NR3C2: variants seen among roughly 807,000 people sequenced by gnomAD.
NR3C2 encodes mineralocorticoid receptor.
NR3C2 carries 15 observed loss-of-function variants against 86.4 expected under a neutral mutation model. That is an observed-to-expected ratio of 0.17 (90% confidence interval 0.12 to 0.27). NR3C2 has a LOEUF of 0.27. Among genes scored for constraint, NR3C2 ranks in the 10% least tolerant of loss-of-function variants. The pLI, the probability that NR3C2 is intolerant of heterozygous loss-of-function variation, is 1.00. For missense variants in NR3C2, 960 were observed against 1,195.6 expected (o/e 0.80, Z 2.91); for synonymous variants, 458 against 450.5 (o/e 1.02, Z -0.21).
chr4:148,293,664 TA>T, intron 2 of NR3C2, among the ~76,000 whole-genome samples: 1 of 152,212 alleles, frequency 6.6e-6, no homozygotes, highest in East Asian at 1.9e-4. Flanking sequence ...ATAAATCATT[TA>T]GGGTCTGGCC....
At chr4:148,376,966 G>T (rs1746710686) in intron 2 of NR3C2, among the ~76,000 whole-genome samples, 1 of 152,072 alleles carries the variant, frequency 6.6e-6, no homozygotes, top group African/African-American at 2.4e-5. Flanking sequence ...TTAAAATTAA[G>T]TATACTAATA....
intron 3 of NR3C2, among the ~76,000 whole-genome samples, chr4:148,254,787 T>C (rs1007068229): frequency 3.3e-5 from 5 of 152,198 alleles, no homozygotes; most frequent in African/African-American, 1.2e-4. Flanking sequence ...GTTTCCTATA[T>C]CTGACACAGC....
intron 2 of NR3C2, among the ~76,000 whole-genome samples, chr4:148,361,451 G>A (rs923357262): frequency 6.6e-6 from 1 of 152,214 alleles, no homozygotes; most frequent in Admixed American, 6.5e-5. Flanking sequence ...GAATGAGACT[G>A]CCAGATTGAA....
intron 2 of NR3C2, among the ~76,000 whole-genome samples, chr4:148,376,965 A>G (rs2126420172): frequency 6.6e-6 from 1 of 152,340 alleles, no homozygotes; most frequent in South Asian, 2.1e-4. Flanking sequence ...ATTAAAATTA[A>G]GTATACTAAT....
intron 3 of NR3C2, among the ~76,000 whole-genome samples, 177 bp from the exon 4 acceptor site, chr4:148,195,039 G>T (rs1434363737): frequency 6.6e-6 from 1 of 152,198 alleles, no homozygotes; most frequent in Non-Finnish European, 1.5e-5. Flanking sequence ...TAATGCAGCT[G>T]AGACTTTAGA....
chr4:148,391,542 C>A (rs17024681), intron 2 of NR3C2, among the ~76,000 whole-genome samples: 22,718 of 152,076 alleles, frequency 0.15, 2,157 homozygotes, highest in African/African-American at 0.27. Flanking sequence ...TGACAAATCA[C>A]ATACTAATAA....
intron 2 of NR3C2, among the ~76,000 whole-genome samples, chr4:148,403,848 C>A (rs967611012): frequency 1.3e-5 from 2 of 151,918 alleles, no homozygotes. Context: ...TTTTCAAGTT[C>A]CCATTTATGT....
At chr4:148,183,687 G>A (rs1168541948) in intron 4 of NR3C2, among the ~76,000 whole-genome samples, 1 of 152,064 alleles carries the variant, frequency 6.6e-6, no homozygotes, top group Non-Finnish European at 1.5e-5. Context: ...GCATATAATG[G>A]GCTCAGCAGA....
At chr4:148,261,985 T>C (rs1740147120) in intron 2 of NR3C2, among the ~76,000 whole-genome samples, 1 of 152,198 alleles carries the variant, frequency 6.6e-6, no homozygotes, top group South Asian at 2.1e-4. Context: ...AGAAAAGTGC[T>C]CTTTATTATT....
intron 2 of NR3C2, among the ~76,000 whole-genome samples, chr4:148,279,709 T>G (rs776858010): frequency 1.3e-5 from 2 of 152,130 alleles, no homozygotes; most frequent in Non-Finnish European, 2.9e-5. Flanking sequence ...TGTACTACAC[T>G]GTTTAAAGTA....
At chr4:148,349,588 C>A (rs1447291820) in intron 2 of NR3C2, among the ~76,000 whole-genome samples, 1 of 151,908 alleles carries the variant, frequency 6.6e-6, no homozygotes, top group African/African-American at 2.4e-5. Context: ...GACGACTAAG[C>A]AAACCTTCTT....
intron 3 of NR3C2, among the ~76,000 whole-genome samples, chr4:148,243,063 C>T (rs1432026190): frequency 1.3e-5 from 2 of 149,448 alleles, no homozygotes. Context: ...CAAAGTCTCA[C>T]TCTGTCACCC....
chr4:148,265,557 A>C (rs1248153824), intron 2 of NR3C2, among the ~76,000 whole-genome samples: 2 of 152,222 alleles, frequency 1.3e-5, no homozygotes, highest in Non-Finnish European at 2.9e-5. Context: ...TTCAGTGATT[A>C]GAAATTCTTC....
At chr4:148,180,850 T>C (rs1228690551) in intron 4 of NR3C2, among the ~76,000 whole-genome samples, 1 of 152,202 alleles carries the variant, frequency 6.6e-6, no homozygotes, top group Admixed American at 6.5e-5. Context: ...TTCCCCACTG[T>C]GGTTCCATTG....
intron 2 of NR3C2, among the ~76,000 whole-genome samples, chr4:148,367,993 C>A (rs1191189722): frequency 6.6e-6 from 1 of 152,036 alleles, no homozygotes; most frequent in Admixed American, 6.6e-5. Context: ...CTACAACCTA[C>A]CCAGGTGCAC....
At chr4:148,158,621 G>C in intron 4 of NR3C2, among the ~76,000 whole-genome samples, 1 of 152,152 alleles carries the variant, frequency 6.6e-6, no homozygotes, top group East Asian at 1.9e-4. Context: ...TTATTGACTA[G>C]AACAGCCAAT....
intron 2 of NR3C2, among the ~76,000 whole-genome samples, chr4:148,277,504 C>A (rs555064937): frequency 1.5e-3 from 228 of 152,132 alleles, no homozygotes; most frequent in Middle Eastern, 3.4e-3. Flanking sequence ...TTGCTTGAGC[C>A]CAGGAGTTCA....
chr4:148,266,322 C>T lies in NR3C2; in HGVS notation c.1758-6205G>A, dbSNP rs552884982. On this transcript the variant is annotated intron_variant, in intron 2 of 8. Transcript: ENST00000358102. ...TCTTGACCTTGTAATCTGCCCGCCT[C>T]GGCCTCCCAACGTGTTGGGATTACA... is the stretch of plus-strand genomic sequence containing the variant. 2.1e-4 allele frequency among the ~76,000 whole-genome samples: 32 copies of T among 152,242 alleles called. No individual in the cohort carries two copies. The South Asian group carries it at 2.5e-3, about 12-fold the overall frequency.
At chr4:148,289,596 C>T (rs1741700756) in intron 2 of NR3C2, among the ~76,000 whole-genome samples, 1 of 152,068 alleles carries the variant, frequency 6.6e-6, no homozygotes, top group South Asian at 2.1e-4. Flanking sequence ...TCTGTTTGGG[C>T]CACTATAACA....
Sources: allele counts gnomAD v4.1 joint callset (sites outside exome capture counted in the v4.1 genomes callset), GRCh38; gene constraint gnomAD v4.1.1; transcripts MANE v1.5; gene names NCBI Gene and HGNC (gene_info 2026-07-23, HGNC 2026-07-21).